Variants in CDH12 observed in about 807,000 individuals in gnomAD.
CDH12 encodes cadherin 12, also known as cadherin-12.
In CDH12, 41 loss-of-function variants were observed where a neutral mutation model predicts 74.1. The ratio of observed to expected loss-of-function variants is 0.55; its 90% CI spans 0.43 to 0.72. The LOEUF is 0.72. Ranked by LOEUF, CDH12 falls within the 30% of genes least tolerant of loss-of-function variation. The probability of loss-of-function intolerance (pLI) is 0.00; values close to 1 mark genes in which losing one functional copy is unlikely to be tolerated. For missense variants in CDH12, 945 were observed against 977.2 expected, an observed-to-expected ratio of 0.97 and a Z score of 0.44; for synonymous variants, 399 against 355.0, an observed-to-expected ratio of 1.12 and a Z score of -1.39.
chr5:22,297,746 AC>A lies in CDH12; in HGVS notation c.-332-85104del, dbSNP rs377335847. On this transcript the variant is annotated intron_variant, in intron 3 of 14. Coordinates refer to ENST00000382254, the MANE Select transcript of CDH12 (RefSeq NM_004061.5). ...GGGGAAAGATTTTAAACTGTGTATA[AC>A]AGACTGTTGATTTTAAGTCAAATCA... 4.6e-5 allele frequency among the ~76,000 whole-genome samples: 7 copies of A among 152,304 alleles called. No homozygotes were observed. In the South Asian group the frequency reaches 1.4e-3, roughly 32 times the overall value.
chr5:22,027,997 A>C (rs1469300501), intron 5 of CDH12, among the ~76,000 whole-genome samples: 2 of 151,966 alleles, frequency 1.3e-5, no homozygotes, highest in East Asian at 3.9e-4. Flanking sequence ...TGTGTCCCAG[A>C]GATTCTGGTA....
At chr5:22,113,523 C>T (rs1744930229) in intron 4 of CDH12, among the ~76,000 whole-genome samples, 1 of 151,948 alleles carries the variant, frequency 6.6e-6, no homozygotes, top group Non-Finnish European at 1.5e-5. Context: ...CCTGGAAGTC[C>T]CTGCTTGAGT....
At chr5:22,274,715 G>A (rs928894751) in intron 3 of CDH12, among the ~76,000 whole-genome samples, 4 of 152,002 alleles carry the variant, frequency 2.6e-5, no homozygotes, top group Non-Finnish European at 2.9e-5. Context: ...TAAACCCAGT[G>A]CAGTAAGAGT....
At chr5:22,423,206 T>TAAAAAAAAAA (rs58915238) in intron 2 of CDH12, among the ~76,000 whole-genome samples, 1 of 121,440 alleles carries the variant, frequency 8.2e-6, no homozygotes. Flanking sequence ...GTAAACACAG[T>TAAAAAAAAAA]AAAAAAAAAA....
chr5:22,610,944 T>G lies in CDH12; in HGVS notation c.-522-105580A>C, dbSNP rs182325902. 2.6e-5 allele frequency among the ~76,000 whole-genome samples: 4 copies of G among 152,192 alleles called. No homozygotes were observed. In the East Asian group the frequency reaches 7.7e-4, roughly 29 times the overall value. ...TGTATACGAGGCATTAATAACTAAT[T>G]TGCCCAACATGACACTGAATTCAAA... is the stretch of plus-strand genomic sequence containing the variant. On this transcript the variant is annotated intron_variant, in intron 1 of 14. Coordinates refer to ENST00000382254, the MANE Select transcript of CDH12 (RefSeq NM_004061.5).
intron 1 of CDH12, among the ~76,000 whole-genome samples, chr5:22,783,516 G>A (rs1051398887): frequency 6.6e-6 from 1 of 152,074 alleles, no homozygotes; most frequent in Non-Finnish European, 1.5e-5. Context: ...TATGAATAAA[G>A]GCTTTCTAGA....
At chr5:21,770,550 GGAGGTAACAGT>G (rs1312007891) in intron 11 of CDH12, among the ~76,000 whole-genome samples, 5 of 151,720 alleles carry the variant, frequency 3.3e-5, no homozygotes, top group Admixed American at 6.6e-5. Flanking sequence ...CCCGAGAGGT[GGAGGTAACAGT>G]GAGCTGAGAT....
At chr5:22,693,526 A>C (rs116274845) in intron 1 of CDH12, among the ~76,000 whole-genome samples, 5,656 of 152,260 alleles carry the variant, frequency 0.037, 154 homozygotes, top group Admixed American at 0.07. Context: ...CTTTTCTTTT[A>C]AAAATAACAA....
At chr5:22,096,026 A>C (rs2150244021) in intron 4 of CDH12, among the ~76,000 whole-genome samples, 1 of 151,794 alleles carries the variant, frequency 6.6e-6, no homozygotes, top group South Asian at 2.1e-4. Context: ...CTGGAGGGTA[A>C]GAACCCCCAA....
Position 21,751,629 on chromosome 5 carries a change from TGTTTGTGTGTGTG to T in CDH12, c.*95_*107del. On this transcript the variant is annotated 3_prime_UTR_variant, in exon 15 of 15. Coordinates refer to ENST00000382254, the MANE Select transcript of CDH12 (RefSeq NM_004061.5). ...CCCAGAGTGTGTGTGTGTGTGTGTG[TGTTTGTGTGTGTG>T]TGTGTGTGTGAGAGAGATTTCTATT... 1 of 736,812 alleles carries T rather than the reference TGTTTGTGTGTGTG, an allele frequency of 1.4e-6. No individual in the cohort carries two copies. Among genetic ancestry groups the T allele is most frequent in the Non-Finnish European group, 2.2e-6 (1 of 451,830 alleles). 45.6% of individuals were successfully genotyped at this position (736,812 alleles called of 1,614,324 possible).
chr5:22,176,421 CGTTT>C (rs1337450095), intron 4 of CDH12, among the ~76,000 whole-genome samples: 1 of 151,842 alleles, frequency 6.6e-6, no homozygotes, highest in Admixed American at 6.6e-5. Flanking sequence ...CAGATGATCA[CGTTT>C]GTTATATAAC....
At chr5:22,035,091 G>T (rs957042439) in intron 5 of CDH12, among the ~76,000 whole-genome samples, 1 of 152,108 alleles carries the variant, frequency 6.6e-6, no homozygotes, top group African/African-American at 2.4e-5. Flanking sequence ...TGTCAATGAT[G>T]TTAAGTGAGG....
intron 9 of CDH12, among the ~76,000 whole-genome samples, chr5:21,808,734 T>A (rs1171526020): frequency 6.6e-6 from 1 of 152,082 alleles, no homozygotes; most frequent in Non-Finnish European, 1.5e-5. Context: ...AATATAGTAG[T>A]CAATTCTTGT....
chr5:21,810,974 G>C (rs1561204676), intron 9 of CDH12, among the ~76,000 whole-genome samples: 1 of 152,036 alleles, frequency 6.6e-6, no homozygotes, highest in East Asian at 1.9e-4. Flanking sequence ...CTGATTTACG[G>C]GTAAGTATAA....
intron 5 of CDH12, among the ~76,000 whole-genome samples, chr5:22,042,484 G>A (rs141308035): frequency 1.1e-4 from 16 of 152,074 alleles, no homozygotes; most frequent in African/African-American, 3.4e-4. Flanking sequence ...CCACAGAAAT[G>A]CAAATGGTCA....
At chr5:22,090,036 T>G (rs7717571) in intron 4 of CDH12, among the ~76,000 whole-genome samples, 56,935 of 151,486 alleles carry the variant, frequency 0.38, 13,535 homozygotes, top group African/African-American at 0.68. Flanking sequence ...CAATCAGAAG[T>G]AGTAAAGATA....
chr5:22,356,408 C>T (rs1465855292), intron 3 of CDH12, among the ~76,000 whole-genome samples: 2 of 152,150 alleles, frequency 1.3e-5, no homozygotes, highest in Non-Finnish European at 2.9e-5. Context: ...ATTCCATTTA[C>T]AATGAGTATG....
intron 3 of CDH12, among the ~76,000 whole-genome samples, chr5:22,372,067 T>C (rs1477697445): frequency 1.3e-5 from 2 of 152,186 alleles, no homozygotes; most frequent in African/African-American, 4.8e-5. Flanking sequence ...ACGTCACTGG[T>C]CCAGGTCACT....
At chr5:22,490,466 T>A (rs1237533712) in intron 2 of CDH12, among the ~76,000 whole-genome samples, 1 of 152,096 alleles carries the variant, frequency 6.6e-6, no homozygotes, top group African/African-American at 2.4e-5. Flanking sequence ...AACAAGCCAT[T>A]TCATATCGAG....
Sources: allele counts gnomAD v4.1 joint callset (sites outside exome capture counted in the v4.1 genomes callset), GRCh38; gene constraint gnomAD v4.1.1; transcripts MANE v1.5; gene names NCBI Gene and HGNC (gene_info 2026-07-23, HGNC 2026-07-21).